The following SDK1 variants were observed in gnomAD, a reference collection of about 807,000 sequenced individuals.
SDK1 encodes sidekick cell adhesion molecule 1.
A neutral mutation model predicts 245.5 loss-of-function variants in SDK1; 157 were observed. The ratio of observed to expected loss-of-function variants is 0.64; its 90% CI spans 0.56 to 0.73. SDK1 has a LOEUF of 0.73. Ranked by LOEUF, SDK1 falls within the 30% of genes least tolerant of loss-of-function variation. The pLI, the probability that SDK1 is intolerant of heterozygous loss-of-function variation, is 0.00. For missense variants in SDK1, 3,583 were observed against 3,002.3 expected (o/e 1.19, Z -4.52); for synonymous variants, 1,647 against 1,278.5 (o/e 1.29, Z -6.15).
intron 5 of SDK1, among the ~76,000 whole-genome samples, chr7:3,865,394 C>T (rs985626726): frequency 6.6e-6 from 1 of 152,160 alleles, no homozygotes; most frequent in Non-Finnish European, 1.5e-5. Flanking sequence ...CCGACAGACT[C>T]AAAATGTTTT....
intron 1 of SDK1, among the ~76,000 whole-genome samples, chr7:3,613,107 C>T (rs1781657429): frequency 6.6e-6 from 1 of 152,124 alleles, no homozygotes; most frequent in African/African-American, 2.4e-5. Context: ...ATAGTTGATT[C>T]CTATTCATTC....
At chr7:4,202,308 C>T (rs2128226085) in intron 35 of SDK1, among the ~76,000 whole-genome samples, 1 of 152,332 alleles carries the variant, frequency 6.6e-6, no homozygotes, top group East Asian at 1.9e-4. Context: ...AAACAACCTC[C>T]AAGGGCTGGT....
chr7:3,453,884 G>C (rs1339133738), intron 1 of SDK1, among the ~76,000 whole-genome samples: 1 of 152,086 alleles, frequency 6.6e-6, no homozygotes, highest in African/African-American at 2.4e-5. Context: ...GGCACTGAGA[G>C]ACAGTATTAT....
chr7:3,559,306 T>C (rs1399673208), intron 1 of SDK1, among the ~76,000 whole-genome samples: 1 of 152,214 alleles, frequency 6.6e-6, no homozygotes, highest in African/African-American at 2.4e-5. Flanking sequence ...ACAGTTCTGC[T>C]GTTTCCTTTG....
intron 30 of SDK1, among the ~76,000 whole-genome samples, chr7:4,149,985 A>G (rs891351795): frequency 1.3e-5 from 2 of 152,108 alleles, no homozygotes; most frequent in African/African-American, 4.8e-5. Flanking sequence ...GAATCCGTCC[A>G]CTCACTCAGT....
chr7:3,674,433 G>T (rs566983534), intron 4 of SDK1, among the ~76,000 whole-genome samples: 1 of 152,114 alleles, frequency 6.6e-6, no homozygotes, highest in African/African-American at 2.4e-5. Flanking sequence ...TGAGCAAGAA[G>T]AAGAAACATT....
intron 28 of SDK1, among the ~76,000 whole-genome samples, chr7:4,144,723 G>T (rs1030984496): frequency 6.6e-6 from 1 of 152,110 alleles, no homozygotes; most frequent in East Asian, 1.9e-4. Flanking sequence ...GCGTGGGGTC[G>T]CCCGGCAGCT....
chr7:3,718,665 T>A (rs1439489961), intron 4 of SDK1, among the ~76,000 whole-genome samples: 1 of 152,142 alleles, frequency 6.6e-6, no homozygotes, highest in South Asian at 2.1e-4. Flanking sequence ...GTAAAGAGTA[T>A]GTACAGAAAC....
Position 3,644,813 on chromosome 7 carries a change from G to A in SDK1, c.713+2708G>A, listed in dbSNP as rs572833646. On this transcript the variant is annotated intron_variant, in intron 4 of 44. Coordinates refer to ENST00000404826, the MANE Select transcript of SDK1 (RefSeq NM_152744.4). Reference sequence around the variant, plus strand: ...AAAAACAAAAAACAACAACAACGGCGGGGCAGGGGGTGGCAGGCAAGATAC... The same window carrying A: ...AAAAACAAAAAACAACAACAACGGCAGGGCAGGGGGTGGCAGGCAAGATAC... 2.1e-3 allele frequency among the ~76,000 whole-genome samples: 302 copies of A among 144,492 alleles called. 3 individuals carry two copies. The highest frequency in any genetic ancestry group is 7.5e-3 in the African/African-American group (288 of 38,548). 94.8% of individuals were successfully genotyped at this position (144,492 alleles called of 152,430 possible). A position where few individuals can be genotyped will look rare whatever the true frequency, so the allele number is the denominator to read the frequency against.
chr7:4,265,760 G>T lies in SDK1; in HGVS notation c.*376G>T. ...GGGGAGAGGGAGTGGAGGGTCAGGT[G>T]AGATCTCAGAGCTGCCCCGGCCGGC... On this transcript the variant is annotated 3_prime_UTR_variant, in exon 45 of 45. Coordinates refer to ENST00000404826, the MANE Select transcript of SDK1 (RefSeq NM_152744.4). 9.6e-7 allele frequency: 1 copy of T among 1,036,782 alleles called. No homozygotes were observed. Among genetic ancestry groups the T allele is most frequent in the South Asian group, 4.2e-5 (1 of 23,564 alleles). The allele number at this position is 1,036,782 out of a possible 1,614,324, so 64.2% of individuals were successfully genotyped here. A position where few individuals can be genotyped will look rare whatever the true frequency, so the allele number is the denominator to read the frequency against.
intron 1 of SDK1, among the ~76,000 whole-genome samples, chr7:3,616,630 GAATGAATA>G (rs1270601204): frequency 6.6e-6 from 1 of 151,952 alleles, no homozygotes; most frequent in Non-Finnish European, 1.5e-5. Context: ...TTATTTATTT[GAATGAATA>G]AATGAATAAA....
At chr7:3,809,351 C>A (rs180692404) in intron 4 of SDK1, among the ~76,000 whole-genome samples, 26 of 152,246 alleles carry the variant, frequency 1.7e-4, no homozygotes, top group Admixed American at 3.3e-4. Flanking sequence ...TCCCACCAGG[C>A]CCCACCTCCC....
chr7:4,227,137 G>GT (rs777757962), intron 40 of SDK1: 1 of 285,672 alleles, frequency 3.5e-6, no homozygotes, highest in Non-Finnish European at 6.8e-6. Context: ...TTTCAAGTGA[G>GT]TAAGGAAGAA....
chr7:4,131,875 G>A (rs1462083067), intron 27 of SDK1, among the ~76,000 whole-genome samples: 1 of 152,124 alleles, frequency 6.6e-6, no homozygotes, highest in Non-Finnish European at 1.5e-5. Context: ...TGTAACCTCC[G>A]TTAGAGTTGG....
At chr7:3,663,489 C>T (rs796152876) in intron 4 of SDK1, among the ~76,000 whole-genome samples, 6 of 152,174 alleles carry the variant, frequency 3.9e-5, no homozygotes, top group African/African-American at 1.2e-4. Context: ...TGATGTTGTC[C>T]GCTTAGAGGT....
intron 4 of SDK1, among the ~76,000 whole-genome samples, chr7:3,767,556 A>G (rs1253301883): frequency 1.3e-5 from 2 of 152,202 alleles, no homozygotes; most frequent in Admixed American, 1.3e-4. Flanking sequence ...ACTCTATGCC[A>G]GGCACTGATC....
At chr7:4,002,778 T>G (rs1464770214) in intron 14 of SDK1, among the ~76,000 whole-genome samples, 29 of 152,160 alleles carry the variant, frequency 1.9e-4, no homozygotes, top group Non-Finnish European at 5.9e-5. Flanking sequence ...TTCTCAGGGG[T>G]GGATCCAGGT....
At chr7:3,505,392 C>G (rs1290486324) in intron 1 of SDK1, among the ~76,000 whole-genome samples, 2 of 152,042 alleles carry the variant, frequency 1.3e-5, no homozygotes, top group Non-Finnish European at 2.9e-5. Context: ...GCTAGGACTA[C>G]AGGTGCATGC....
intron 5 of SDK1, among the ~76,000 whole-genome samples, chr7:3,888,819 A>G (rs957852406): frequency 6.6e-6 from 1 of 152,238 alleles, no homozygotes; most frequent in South Asian, 2.1e-4. Flanking sequence ...CAAGGTTTTC[A>G]CATCTTTTGA....
Sources: gnomAD v4.1 joint callset for allele counts (sites outside exome capture counted in the v4.1 genomes callset) on GRCh38, gnomAD v4.1.1 for gene constraint, MANE v1.5 for transcripts, NCBI Gene and HGNC (gene_info 2026-07-23, HGNC 2026-07-21) for gene names.